Variants in ZDHHC3 observed in about 807,000 individuals in gnomAD.
ZDHHC3 encodes palmitoyltransferase ZDHHC3.
In ZDHHC3, 9 loss-of-function variants were observed where a neutral mutation model predicts 30.6. The ratio of observed to expected loss-of-function variants is 0.29; its 90% CI spans 0.18 to 0.51. The LOEUF is 0.51. Ranked by LOEUF, ZDHHC3 falls within the 20% of genes least tolerant of loss-of-function variation. The pLI is 0.97. For missense variants in ZDHHC3, 246 were observed against 384.2 expected (o/e 0.64, Z 3.01); for synonymous variants, 136 against 140.2 (o/e 0.97, Z 0.21).
At chr3:44,940,239 G>A (rs919943779) in intron 3 of ZDHHC3, among the ~76,000 whole-genome samples, 5 of 152,160 alleles carry the variant, frequency 3.3e-5, no homozygotes, top group African/African-American at 1.2e-4. Context: ...CCCACTGCAT[G>A]CACATGGGCA....
chr3:44,945,302 A>C lies in ZDHHC3; in HGVS notation c.307-10T>G. The C allele has an allele frequency of 6.2e-7, 1 of 1,614,196 alleles. No homozygotes were observed. The highest frequency in any genetic ancestry group is 8.5e-7 in the Non-Finnish European group (1 of 1,180,028). ...CTTTGGGCACTGCCCCCTGTAGGAAAGATGAAAGGTATCAGGGTTGGGCTG... is the reference window on the plus strand; with the variant it reads ...CTTTGGGCACTGCCCCCTGTAGGAACGATGAAAGGTATCAGGGTTGGGCTG... On this transcript the variant is annotated splice_polypyrimidine_tract_variant and intron_variant, in intron 2 of 6. Transcript: ENST00000424952.
chr3:44,963,943 G>A (rs1704708381), intron 1 of ZDHHC3, among the ~76,000 whole-genome samples: 1 of 152,202 alleles, frequency 6.6e-6, no homozygotes, highest in Admixed American at 6.5e-5. Context: ...CACACACGAG[G>A]GATGATGTGG....
At chr3:44,945,124 C>A in intron 3 of ZDHHC3, 44 bp downstream of exon 3, 1 of 1,612,134 alleles carries the variant, frequency 6.2e-7, no homozygotes, top group Non-Finnish European at 8.5e-7. Flanking sequence ...TGGAGGGAGG[C>A]AGGACAGTGG....
chr3:44,941,054 C>T (rs994331955), intron 3 of ZDHHC3, among the ~76,000 whole-genome samples: 5 of 152,132 alleles, frequency 3.3e-5, no homozygotes, highest in African/African-American at 4.8e-5. Context: ...AGAGCCAAGC[C>T]CAGGGCCCCC....
At chr3:44,974,369 T>C (rs1705695610) in intron 1 of ZDHHC3, among the ~76,000 whole-genome samples, 1 of 152,252 alleles carries the variant, frequency 6.6e-6, no homozygotes, top group Non-Finnish European at 1.5e-5. Context: ...TGTGTCTTTC[T>C]GATCTGTCCA....
chr3:44,925,330 A>T lies in ZDHHC3; in HGVS notation c.*1359T>A. 1 of 985,772 alleles carries T rather than the reference A, an allele frequency of 1.0e-6. No individual in the cohort carries two copies. The highest frequency in any genetic ancestry group is 1.2e-6 in the Non-Finnish European group (1 of 829,910). 61.1% of individuals were successfully genotyped at this position (985,772 alleles called of 1,614,324 possible). ...TGAATAAACCTTAACTCCTACCCCC[A>T]CCCCAAGCAAAAGCTAAAAAAGGGG... is the stretch of plus-strand genomic sequence containing the variant. On this transcript the variant is annotated 3_prime_UTR_variant, in exon 7 of 7. Transcript: ENST00000424952.
intron 1 of ZDHHC3, among the ~76,000 whole-genome samples, chr3:44,963,949 T>C (rs748432069): frequency 5.3e-5 from 8 of 152,256 alleles, no homozygotes; most frequent in Non-Finnish European, 8.8e-5. Context: ...CGAGGGATGA[T>C]GTGGACAATA....
chr3:44,922,616 T>A lies in ZDHHC3; in HGVS notation c.*4073A>T, dbSNP rs1393389278. On this transcript the variant is annotated 3_prime_UTR_variant, in exon 7 of 7. Coordinates refer to ENST00000424952, the MANE Select transcript of ZDHHC3 (RefSeq NM_001135179.2). ...AGCCCAGCAGCACACAAGACCCATA[T>A]CACCAGCAGGCATCAGGGACCACCT... 2.0e-6 allele frequency: 2 copies of A among 985,200 alleles called. No homozygotes were observed. The highest frequency in any genetic ancestry group is 1.1e-4 in the East Asian group (1 of 8,810). 61.0% of individuals were successfully genotyped at this position (985,200 alleles called of 1,614,324 possible).
rs958118334 is a variant in ZDHHC3 at position 44,920,566 on chromosome 3, G to A, written c.*6123C>T. 5.1e-6 allele frequency: 5 copies of A among 985,080 alleles called. No homozygotes were observed. Among genetic ancestry groups the A allele is most frequent in the Non-Finnish European group, 6.0e-6 (5 of 829,728 alleles). The allele number at this position is 985,080 out of a possible 1,614,324, so 61.0% of individuals were successfully genotyped here. On this transcript the variant is annotated 3_prime_UTR_variant, in exon 7 of 7. Coordinates refer to ENST00000424952, the MANE Select transcript of ZDHHC3 (RefSeq NM_001135179.2). ...AGAAGTTCCAAGAGGCCATGACGGT[G>A]GCCAAGGCTCATCTAGCTTGTTATG...
chr3:44,961,309 G>A (rs1704461106), intron 1 of ZDHHC3, among the ~76,000 whole-genome samples: 1 of 152,154 alleles, frequency 6.6e-6, no homozygotes, highest in Admixed American at 6.5e-5. Flanking sequence ...GGAGAATGGC[G>A]TGAACCCAGG....
chr3:44,921,226 C>T lies in ZDHHC3; in HGVS notation c.*5463G>A, dbSNP rs1447987306. ...ATGAATGTATTAGGACTAAGGCTCC[C>T]GAGGAAGGAAGAGTCTGTGCAGAAC... On this transcript the variant is annotated 3_prime_UTR_variant, in exon 7 of 7. Transcript: ENST00000424952. 1.7e-5 allele frequency: 16 copies of T among 936,870 alleles called. No homozygotes were observed. The highest frequency in any genetic ancestry group is 1.8e-5 in the Non-Finnish European group (15 of 813,362). The allele number at this position is 936,870 out of a possible 1,614,324, so 58.0% of individuals were successfully genotyped here. A position where few individuals can be genotyped will look rare whatever the true frequency, so the allele number is the denominator to read the frequency against.
chr3:44,920,377 G>A lies in ZDHHC3; in HGVS notation c.*6312C>T. The A allele has an allele frequency of 2.3e-6, 3 of 1,289,048 alleles. No individual in the cohort carries two copies. Among genetic ancestry groups the A allele is most frequent in the Non-Finnish European group, 3.0e-6 (3 of 988,234 alleles). 79.9% of individuals were successfully genotyped at this position (1,289,048 alleles called of 1,614,324 possible). ...GCTTTAACTTCATAGCACGAGAGCT[G>A]GGACATCACCATATGGCAGACCCGG... On this transcript the variant is annotated 3_prime_UTR_variant, in exon 7 of 7. Coordinates refer to ENST00000424952, the MANE Select transcript of ZDHHC3 (RefSeq NM_001135179.2).
chr3:44,924,684 C>T lies in ZDHHC3; in HGVS notation c.*2005G>A, dbSNP rs1487662335. 3.8e-5 allele frequency: 37 copies of T among 985,340 alleles called. No individual in the cohort carries two copies. Among genetic ancestry groups the T allele is most frequent in the Non-Finnish European group, 4.5e-5 (37 of 829,948 alleles). 61.0% of individuals were successfully genotyped at this position (985,340 alleles called of 1,614,324 possible). ...GAAGATGGAGTATTACCAATCTCTT[C>T]CCCCTAGGGGAGGGCCAGAGCTGTA... is the stretch of plus-strand genomic sequence containing the variant. On this transcript the variant is annotated 3_prime_UTR_variant, in exon 7 of 7. Transcript: ENST00000424952.
At position 44,923,593 on chromosome 3, in the gene ZDHHC3, G is replaced by T; in HGVS notation, c.*3096C>A. On this transcript the variant is annotated 3_prime_UTR_variant, in exon 7 of 7. Coordinates refer to ENST00000424952, the MANE Select transcript of ZDHHC3 (RefSeq NM_001135179.2). ...AAGGCAGGAAAATTGCTGGAGGCCG[G>T]GCATTTGAGACTAGCTAGGGCAACA... 3 of 966,918 alleles carry T rather than the reference G, an allele frequency of 3.1e-6. No individual in the cohort carries two copies. In the South Asian group the frequency reaches 1.4e-4, roughly 46 times the overall value. The allele number at this position is 966,918 out of a possible 1,614,324, so 59.9% of individuals were successfully genotyped here.
In ZDHHC3 at chr3:44,926,033, A is replaced by T. The variant is rs1472863387; in HGVS notation, c.*656T>A. On this transcript the variant is annotated 3_prime_UTR_variant, in exon 7 of 7. Coordinates refer to ENST00000424952, the MANE Select transcript of ZDHHC3 (RefSeq NM_001135179.2). Reference sequence around the variant, plus strand: ...ATTGCTGATTCAGAATACAAATAAGACCTCTTTCATCTTTCTCCCCACTCC... The same window carrying T: ...ATTGCTGATTCAGAATACAAATAAGTCCTCTTTCATCTTTCTCCCCACTCC... 3.0e-6 allele frequency: 3 copies of T among 985,526 alleles called. No individual in the cohort carries two copies. The highest frequency in any genetic ancestry group is 3.6e-6 in the Non-Finnish European group (3 of 829,918). The allele number at this position is 985,526 out of a possible 1,614,324, so 61.0% of individuals were successfully genotyped here.
intron 1 of ZDHHC3, among the ~76,000 whole-genome samples, chr3:44,967,382 T>TA (rs951650948): frequency 4.0e-5 from 6 of 151,166 alleles, no homozygotes; most frequent in South Asian, 2.1e-4. Context: ...ACTAATCTAC[T>TA]AAAAAAAAAT....
chr3:44,932,576 T>C (rs1701586409), intron 5 of ZDHHC3, among the ~76,000 whole-genome samples: 1 of 152,198 alleles, frequency 6.6e-6, no homozygotes, highest in African/African-American at 2.4e-5. Flanking sequence ...TTTGCACATT[T>C]CAGTGGGAAG....
At chr3:44,973,335 A>G (rs1357995870) in intron 1 of ZDHHC3, among the ~76,000 whole-genome samples, 1 of 152,212 alleles carries the variant, frequency 6.6e-6, no homozygotes, top group African/African-American at 2.4e-5. Context: ...CCATTTACCA[A>G]TGATGTAACC....
At chr3:44,958,754 T>A (rs141431444) in intron 2 of ZDHHC3, 24 of 1,313,230 alleles carry the variant, frequency 1.8e-5, no homozygotes, top group Non-Finnish European at 2.4e-5. Context: ...GGAAGCCCAA[T>A]CCTGACCCAA....
Sources: gnomAD v4.1 joint callset for allele counts (sites outside exome capture counted in the v4.1 genomes callset) on GRCh38, gnomAD v4.1.1 for gene constraint, MANE v1.5 for transcripts, NCBI Gene and HGNC (gene_info 2026-07-23, HGNC 2026-07-21) for gene names.